The following FSTL4 variants were observed in gnomAD, a reference collection of about 807,000 sequenced individuals.
FSTL4 encodes the protein follistatin like 4.
Under a neutral mutation model 78.2 loss-of-function variants are expected in FSTL4, and 28 were observed. That is an observed-to-expected ratio of 0.36 (90% CI 0.27 to 0.49). The LOEUF is 0.49. FSTL4 is among the 20% of genes least tolerant of loss of function. The probability of loss-of-function intolerance (pLI) is 0.98; values close to 1 mark genes in which losing one functional copy is unlikely to be tolerated. For missense variants in FSTL4, 922 were observed against 1,084.9 expected, an observed-to-expected ratio of 0.85 and a Z score of 2.11; for synonymous variants, 422 against 440.5, an observed-to-expected ratio of 0.96 and a Z score of 0.53.
chr5:133,685,048 C>T, the FSTL4 span, among the ~76,000 whole-genome samples: 1,552 of 152,304 alleles, frequency 0.01, 15 homozygotes, highest in Non-Finnish European at 0.016. Context: ...TAGCATCGAA[C>T]TCTAGACTAA....
chr5:133,541,433 T>A (rs1460926380), intron 3 of FSTL4, among the ~76,000 whole-genome samples: 1 of 152,066 alleles, frequency 6.6e-6, no homozygotes, highest in Non-Finnish European at 1.5e-5. Context: ...GCCAGCATGG[T>A]GGAAGCTACC....
At chr5:133,306,358 G>T (rs931015561) in intron 6 of FSTL4, among the ~76,000 whole-genome samples, 1 of 152,260 alleles carries the variant, frequency 6.6e-6, no homozygotes, top group Non-Finnish European at 1.5e-5. Flanking sequence ...TAATTACGCA[G>T]CCTGCCAGCC....
At chr5:133,419,081 G>A (rs1387493042) in intron 3 of FSTL4, among the ~76,000 whole-genome samples, 2 of 152,104 alleles carry the variant, frequency 1.3e-5, no homozygotes, top group Non-Finnish European at 2.9e-5. Context: ...ATAGGTTTTA[G>A]CTTCATTAAA....
intron 2 of FSTL4, among the ~76,000 whole-genome samples, chr5:133,590,866 C>T (rs1356901291): frequency 6.6e-6 from 1 of 152,200 alleles, no homozygotes; most frequent in Non-Finnish European, 1.5e-5. Flanking sequence ...CTCCTTGCTG[C>T]ATACTCCCAT....
intron 3 of FSTL4, among the ~76,000 whole-genome samples, chr5:133,429,232 C>T (rs1298316571): frequency 6.6e-6 from 1 of 152,164 alleles, no homozygotes; most frequent in South Asian, 2.1e-4. Flanking sequence ...GAGCTGCCCC[C>T]TTCATCTTTA....
intron 6 of FSTL4, among the ~76,000 whole-genome samples, chr5:133,273,640 CT>C (rs1752816582): frequency 6.6e-6 from 1 of 152,188 alleles, no homozygotes; most frequent in South Asian, 2.1e-4. Flanking sequence ...TTGACTTACC[CT>C]GAGGTTTCAG....
chr5:133,340,056 C>A (rs552723053), intron 4 of FSTL4, among the ~76,000 whole-genome samples: 16 of 152,040 alleles, frequency 1.1e-4, no homozygotes, highest in Non-Finnish European at 1.9e-4. Context: ...GGTGCTGTTT[C>A]CCCCCACACT....
the FSTL4 span, among the ~76,000 whole-genome samples, chr5:133,701,220 T>C: frequency 2.0e-5 from 3 of 151,254 alleles, no homozygotes; most frequent in Non-Finnish European, 2.9e-5. Flanking sequence ...CTTGCCAACA[T>C]AGTGAAACCC....
chr5:133,749,213 G>A, the FSTL4 span, among the ~76,000 whole-genome samples: 1 of 152,218 alleles, frequency 6.6e-6, no homozygotes, highest in Non-Finnish European at 1.5e-5. Context: ...GGGAACCGGG[G>A]ACAGGGGTAC....
At position 133,481,860 on chromosome 5, in the gene FSTL4, G is replaced by A. The variant is rs144146161; in HGVS notation, c.161-80874C>T. ...AAGTGCAGTCATAATAAAAAGGGCT[G>A]TAAATCTCCAATGCCTCTCTGTGCC... On this transcript the variant is annotated intron_variant, in intron 3 of 15. Transcript: ENST00000265342. Among the ~76,000 whole-genome samples the A allele has an allele frequency of 5.4e-3, 826 of 152,300 alleles. 7 individuals are homozygous for A. Among genetic ancestry groups the A allele is most frequent in the African/African-American group, 0.019 (787 of 41,556 alleles).
intron 4 of FSTL4, among the ~76,000 whole-genome samples, chr5:133,344,545 C>A (rs1274357786): frequency 2.0e-5 from 3 of 152,168 alleles, no homozygotes; most frequent in Non-Finnish European, 4.4e-5. Flanking sequence ...TGTTCTCTTT[C>A]TTCATCTTCC....
chr5:133,310,445 T>A (rs1383678669), intron 6 of FSTL4, among the ~76,000 whole-genome samples: 1 of 152,222 alleles, frequency 6.6e-6, no homozygotes, highest in East Asian at 1.9e-4. Flanking sequence ...TACAATGACC[T>A]TACTAGGGAA....
intron 3 of FSTL4, among the ~76,000 whole-genome samples, chr5:133,465,997 C>A (rs959188100): frequency 2.0e-5 from 3 of 152,206 alleles, no homozygotes; most frequent in Non-Finnish European, 2.9e-5. Flanking sequence ...GTACATTTTC[C>A]TGCAGTGGGG....
chr5:133,570,583 T>C (rs930775090), intron 2 of FSTL4, among the ~76,000 whole-genome samples: 1 of 152,224 alleles, frequency 6.6e-6, no homozygotes, highest in African/African-American at 2.4e-5. Context: ...GCACACAGCA[T>C]TCCAACTTTA....
the FSTL4 span, among the ~76,000 whole-genome samples, chr5:133,663,956 G>C: frequency 6.6e-6 from 1 of 152,166 alleles, no homozygotes; most frequent in South Asian, 2.1e-4. Context: ...GTATATGGGT[G>C]GGGGGATGTA....
chr5:133,767,387 T>A, the FSTL4 span, among the ~76,000 whole-genome samples: 9 of 152,056 alleles, frequency 5.9e-5, no homozygotes, highest in Non-Finnish European at 1.2e-4. Context: ...TATTGGCACC[T>A]GGAAGGTGGA....
At chr5:133,624,649 T>C in the FSTL4 span, among the ~76,000 whole-genome samples, 1 of 152,000 alleles carries the variant, frequency 6.6e-6, no homozygotes, top group Non-Finnish European at 1.5e-5. Flanking sequence ...CTGGGTTCTC[T>C]ATTCTGTTCC....
the FSTL4 span, among the ~76,000 whole-genome samples, chr5:133,692,363 G>A: frequency 5.3e-5 from 8 of 152,150 alleles, no homozygotes; most frequent in African/African-American, 9.7e-5. Flanking sequence ...TGGTTACGGG[G>A]AACCACTGGG....
chr5:133,795,655 G>A, the FSTL4 span, among the ~76,000 whole-genome samples: 36 of 152,254 alleles, frequency 2.4e-4, no homozygotes, highest in Non-Finnish European at 2.1e-4. Flanking sequence ...GCCGTAGGCA[G>A]CATTAACAGA....
Sources: allele counts gnomAD v4.1 joint callset (sites outside exome capture counted in the v4.1 genomes callset), GRCh38; gene constraint gnomAD v4.1.1; transcripts MANE v1.5; gene names NCBI Gene and HGNC (gene_info 2026-07-23, HGNC 2026-07-21).